BOD1L1: variants seen among roughly 807,000 people sequenced by gnomAD.
The protein encoded by BOD1L1 is biorientation of chromosomes in cell division 1 like 1.
BOD1L1 carries 86 observed loss-of-function variants against 240.7 expected under a neutral mutation model. The ratio of observed to expected loss-of-function variants is 0.36; its 90% CI spans 0.30 to 0.43. The LOEUF (loss-of-function observed/expected upper bound fraction) is 0.43. Among genes scored for constraint, BOD1L1 ranks in the 20% least tolerant of loss-of-function variants. BOD1L1 has a pLI of 1.00. For synonymous variants in BOD1L1, 1,268 were observed against 1,272.3 expected, an observed-to-expected ratio of 1.00 and a Z score of 0.07; for missense variants, 3,554 against 3,643.5, an observed-to-expected ratio of 0.98 and a Z score of 0.63.
chr4:13,607,185 C>T lies in BOD1L1; in HGVS notation c.1747G>A (p.Val583Ile). The T allele has an allele frequency of 6.4e-7, 1 of 1,567,466 alleles. No individual in the cohort carries two copies. The change falls in exon 9 of 26, where the codon GTT becomes ATT. Residue 583 changes from valine to isoleucine, a missense_variant. Coordinates refer to ENST00000040738, the MANE Select transcript of BOD1L1 (RefSeq NM_148894.3). ...SKKRKKDSRN[V>I]EENSKKKQQY... ...TGTTTCTTTTTGGAGTTCTCTTCAA[C>T]ATTCCTAAGGGGGAAAGAGTCAAAT...
chr4:13,604,084 G>T lies in BOD1L1; in HGVS notation c.2816C>A (p.Pro939Gln). The change falls in exon 10 of 26, where the codon CCA becomes CAA. Residue 939 changes from proline to glutamine, a missense_variant. By Grantham distance (76) the Pro-to-Gln change is moderately conservative. Around this residue, in one of 2 missense-constraint regions of BOD1L1, gnomAD observed 3,393 missense variants for 3,427.1 expected, o/e 0.99. Coordinates refer to ENST00000040738, the MANE Select transcript of BOD1L1 (RefSeq NM_148894.3). ...QEGATKQATT[P>Q]KPDKEKNTEE... ...TGTGTTCTTCTCCTTGTCTGGTTTT[G>T]GAGTGGTTGCCTGTTTTGTGGCACC... The T allele has an allele frequency of 5.6e-6, 9 of 1,613,716 alleles. No homozygotes were observed. Among genetic ancestry groups the T allele is most frequent in the Non-Finnish European group, 7.6e-6 (9 of 1,179,862 alleles).
intron 25 of BOD1L1, among the ~76,000 whole-genome samples, chr4:13,570,697 T>C (rs1284847368): frequency 6.6e-6 from 1 of 152,226 alleles, no homozygotes; most frequent in African/African-American, 2.4e-5. Flanking sequence ...GAAACTCCAA[T>C]TAATCATGTT....
At chr4:13,578,849 C>T (rs1481874204) in intron 22 of BOD1L1, among the ~76,000 whole-genome samples, 2 of 152,162 alleles carry the variant, frequency 1.3e-5, no homozygotes, top group Non-Finnish European at 2.9e-5. Context: ...TCTTTTGACT[C>T]CAAATACATC....
chr4:13,578,995 A>C, intron 22 of BOD1L1, among the ~76,000 whole-genome samples: 1 of 152,246 alleles, frequency 6.6e-6, no homozygotes, highest in Non-Finnish European at 1.5e-5. Flanking sequence ...AGTTCAATGC[A>C]CTAGTTGAAG....
At chr4:13,581,663 G>A (rs1713238755) in intron 19 of BOD1L1, among the ~76,000 whole-genome samples, 1 of 152,172 alleles carries the variant, frequency 6.6e-6, no homozygotes, top group East Asian at 1.9e-4. Context: ...TGCACAGGCT[G>A]TGTCTCTTGA....
intron 13 of BOD1L1, 123 bp downstream of exon 13, chr4:13,591,800 C>T (rs1335565803): frequency 1.5e-6 from 1 of 674,404 alleles, no homozygotes; most frequent in Non-Finnish European, 2.5e-6. Flanking sequence ...TACCAAATGC[C>T]TCCTGGCTAC....
chr4:13,612,272 C>T (rs953644084), intron 5 of BOD1L1, among the ~76,000 whole-genome samples: 3 of 152,012 alleles, frequency 2.0e-5, no homozygotes, highest in African/African-American at 4.8e-5. Flanking sequence ...GTAGCCTATC[C>T]GAAAGCTGGC....
chr4:13,615,997 GC>G (rs1450555587), intron 2 of BOD1L1, among the ~76,000 whole-genome samples: 1 of 152,076 alleles, frequency 6.6e-6, no homozygotes, highest in African/African-American at 2.4e-5. Flanking sequence ...TCATCAAATT[GC>G]AAAATCAAAG....
chr4:13,591,906 C>A lies in BOD1L1; in HGVS notation c.8148+17G>T. On this transcript the variant is annotated intron_variant, in intron 13 of 25. Coordinates refer to ENST00000040738, the MANE Select transcript of BOD1L1 (RefSeq NM_148894.3). ...AACCCAATAACCACAAAAATCAAAA[C>A]CATTACAGTGACTTACATTTAGTGA... is the stretch of plus-strand genomic sequence containing the variant. 1 of 1,541,016 alleles carries A rather than the reference C, an allele frequency of 6.5e-7. No homozygotes were observed. The highest frequency in any genetic ancestry group is 8.8e-7 in the Non-Finnish European group (1 of 1,142,192).
At position 13,592,065 on chromosome 4, in the gene BOD1L1, T is replaced by G. The variant is rs768899760; in HGVS notation, c.8105-99A>C. 5 of 772,542 alleles carry G rather than the reference T, an allele frequency of 6.5e-6. 1 individual carries two copies. The Admixed American group carries it at 1.7e-4, about 26-fold the overall frequency. 47.9% of individuals were successfully genotyped at this position (772,542 alleles called of 1,614,324 possible). A position where few individuals can be genotyped will look rare whatever the true frequency, so the allele number is the denominator to read the frequency against. ...TTTTTAGGATAGGGAACCTATCCTA[T>G]GTCACCAAGTGGCTTAGCTGCTTTC... On this transcript the variant is annotated intron_variant, in intron 12 of 25. Coordinates refer to ENST00000040738, the MANE Select transcript of BOD1L1 (RefSeq NM_148894.3).
At position 13,610,891 on chromosome 4, in the gene BOD1L1, A is replaced by T. The variant is rs374036870; in HGVS notation, c.1491+43T>A. On this transcript the variant is annotated intron_variant, in intron 6 of 25. Transcript: ENST00000040738. ...GCAGATAGACTATTTAAGTTTGTTA[A>T]CCTGATGTAGTAGGTTAAAATAACA... is the stretch of plus-strand genomic sequence containing the variant. 4.8e-5 allele frequency: 73 copies of T among 1,517,054 alleles called. No homozygotes were observed. The African/African-American group carries it at 1.0e-3, about 21-fold the overall frequency. 94.0% of individuals were successfully genotyped at this position (1,517,054 alleles called of 1,614,324 possible).
intron 1 of BOD1L1, among the ~76,000 whole-genome samples, chr4:13,620,274 C>T (rs567904806): frequency 4.3e-4 from 65 of 152,174 alleles, no homozygotes; most frequent in African/African-American, 1.5e-3. Context: ...AAAGATACAC[C>T]TCTTATTTAT....
At chr4:13,581,381 C>T (rs1713219563) in intron 19 of BOD1L1, among the ~76,000 whole-genome samples, 174 bp from the exon 20 acceptor site, 1 of 152,124 alleles carries the variant, frequency 6.6e-6, no homozygotes, top group Non-Finnish European at 1.5e-5. Flanking sequence ...ACTGATCTCA[C>T]CATTGCTTCT....
At chr4:13,609,242 A>G in intron 7 of BOD1L1, 53 bp downstream of exon 7, 1 of 1,082,958 alleles carries the variant, frequency 9.2e-7, no homozygotes, top group African/African-American at 1.6e-5. Context: ...GAGTACCCAG[A>G]AAATAATGAA....
intron 14 of BOD1L1, among the ~76,000 whole-genome samples, chr4:13,589,981 C>T (rs1318126478): frequency 6.6e-6 from 1 of 152,214 alleles, no homozygotes; most frequent in South Asian, 2.1e-4. Context: ...GACCTCACCC[C>T]TGGGAGAAGA....
intron 4 of BOD1L1, 144 bp downstream of exon 4, chr4:13,614,052 T>C: frequency 3.0e-6 from 2 of 671,740 alleles, no homozygotes; most frequent in Non-Finnish European, 2.3e-6. Context: ...AAATATTTAT[T>C]GCTTTTTTTC....
Position 13,614,601 on chromosome 4 carries a change from C to A in BOD1L1, c.769G>T (p.Ala257Ser), listed in dbSNP as rs1190737191. The A allele has an allele frequency of 5.6e-6, 9 of 1,613,848 alleles. No individual in the cohort carries two copies. The highest frequency in any genetic ancestry group is 7.6e-6 in the Non-Finnish European group (9 of 1,179,892). Residue 257 changes from alanine (A) to serine (S), a missense_variant, in exon 4 of 26, where the codon GCT becomes TCT. Ala to Ser is a moderately conservative substitution (Grantham distance 99). Around this residue, in one of 2 missense-constraint regions of BOD1L1, gnomAD observed 3,393 missense variants for 3,427.1 expected, o/e 0.99. Coordinates refer to ENST00000040738, the MANE Select transcript of BOD1L1 (RefSeq NM_148894.3). The part of the protein sequence containing the change: ...TDKERTSEDM[A>S]DKEKSTADSG... ...TCAGCTGTAGATTTTTCTTTATCAG[C>A]CATGTCCTCTGAAGTTCTTTCTTTG...
intron 6 of BOD1L1, among the ~76,000 whole-genome samples, chr4:13,610,065 G>A (rs1716037231): frequency 6.6e-6 from 1 of 152,122 alleles, no homozygotes; most frequent in African/African-American, 2.4e-5. Flanking sequence ...CTAGCATTTT[G>A]GGGTAGTTTC....
At chr4:13,608,471 T>C in intron 8 of BOD1L1, 59 bp downstream of exon 8, 1 of 1,376,342 alleles carries the variant, frequency 7.3e-7, no homozygotes, top group African/African-American at 1.5e-5. Context: ...TCAATTCCTC[T>C]CTTCTGAAAG....
Sources: gnomAD v4.1 joint callset for allele counts (sites outside exome capture counted in the v4.1 genomes callset) on GRCh38, gnomAD v4.1.1 for gene constraint, gnomAD v4.1.1 regional missense constraint, MANE v1.5 for transcripts, NCBI Gene and HGNC (gene_info 2026-07-23, HGNC 2026-07-21) for gene names.